The following CASZ1 variants were observed in gnomAD, a reference collection of about 807,000 sequenced individuals.
CASZ1 encodes zinc finger protein castor homolog 1.
A neutral mutation model predicts 135.2 loss-of-function variants in CASZ1; 28 were observed. The observed-to-expected ratio is 0.21, with a 90% CI of 0.15 to 0.28. The LOEUF (loss-of-function observed/expected upper bound fraction) is 0.28, where lower values mean the gene tolerates loss of function less well. Among genes scored for constraint, CASZ1 ranks in the 10% least tolerant of loss-of-function variants. CASZ1 has a pLI of 1.00. For synonymous variants in CASZ1, 1,068 were observed against 1,073.4 expected (o/e 0.99, Z 0.10); for missense variants, 2,161 against 2,453.3 (o/e 0.88, Z 2.52).
rs1245054882 is a variant in CASZ1, at chr1:10,727,312, C to T, written c.-76-21768G>A. On this transcript the variant is annotated intron_variant, in intron 2 of 20. Coordinates refer to ENST00000377022, the MANE Select transcript of CASZ1 (RefSeq NM_001079843.3). This position sits in a 1 kb window ranked among gnomAD's most constrained non-coding sequence, Gnocchi z 5.3. ...AGCCCCAGCCCCCACTCCAGGTCATCGGCCATCCAGCTCTTCATTCACAAC... is the reference window on the plus strand; with the variant it reads ...AGCCCCAGCCCCCACTCCAGGTCATTGGCCATCCAGCTCTTCATTCACAAC... Among the ~76,000 whole-genome samples the T allele has an allele frequency of 5.9e-5, 9 of 152,052 alleles. No individual in the cohort carries two copies. The highest frequency in any genetic ancestry group is 8.8e-5 in the Non-Finnish European group (6 of 67,998).
Position 10,725,974 on chromosome 1 carries a change from C to T in CASZ1, c.-76-20430G>A, listed in dbSNP as rs1463189629. On this transcript the variant is annotated intron_variant, in intron 2 of 20. Transcript: ENST00000377022. This position sits in a 1 kb window ranked among gnomAD's most constrained non-coding sequence, Gnocchi z 4.4. ...CAGGGTGAGGCTCCACCTCAGTGCA[C>T]TAGGAAATAATGGTAATAGCAATAA... is the stretch of plus-strand genomic sequence containing the variant. Among the ~76,000 whole-genome samples the T allele has an allele frequency of 1.3e-5, 2 of 152,066 alleles. No homozygotes were observed. The highest frequency in any genetic ancestry group is 1.3e-4 in the Admixed American group (2 of 15,266).
Position 10,636,708 on chromosome 1 carries a change from A to T in CASZ1, c.*2234T>A, listed in dbSNP as rs1402497185. The T allele has an allele frequency of 3.3e-5, 5 of 152,290 alleles. No individual in the cohort carries two copies. The highest frequency in any genetic ancestry group is 7.4e-5 in the Non-Finnish European group (5 of 68,010). The allele number at this position is 152,290 out of a possible 1,614,324, so 9.4% of individuals were successfully genotyped here. On this transcript the variant is annotated 3_prime_UTR_variant, in exon 21 of 21. Transcript: ENST00000377022. ...AAAACACATATATTAAATTTCTAAT[A>T]GCACTAAATTCAAGTGGAAAAATAT...
chr1:10,756,840 A>G lies in CASZ1; in HGVS notation c.-77+3861T>C, dbSNP rs922138821. ...ATCTGCCAGCCCTCACAGCTCACCAACGACGCTCTATATGACCCGGCACGT... is the reference window on the plus strand; with the variant it reads ...ATCTGCCAGCCCTCACAGCTCACCAGCGACGCTCTATATGACCCGGCACGT... On this transcript the variant is annotated intron_variant, in intron 2 of 20. Transcript: ENST00000377022. The surrounding 1 kb of genome is among the most constrained non-coding windows in gnomAD (Gnocchi z 5.9). 5.9e-5 allele frequency among the ~76,000 whole-genome samples: 9 copies of G among 152,296 alleles called. No homozygotes were observed. The highest frequency in any genetic ancestry group is 3.4e-3 in the Middle Eastern group (1 of 294).
chr1:10,683,670 C>T (rs1638497584), intron 4 of CASZ1, among the ~76,000 whole-genome samples: 1 of 152,214 alleles, frequency 6.6e-6, no homozygotes. Flanking sequence ...TTCCATTTCA[C>T]CACAGAGACA....
rs574871978 is a variant in CASZ1 at position 10,705,869 on chromosome 1, C to T, written c.-76-325G>A. On this transcript the variant is annotated intron_variant, in intron 2 of 20. Transcript: ENST00000377022. ...GTGCACACTGCTCCGTGGAGGAGGC[C>T]GGGAGTGGGGGTGCTGGTGAAGTGG... Among the ~76,000 whole-genome samples, 8 of 152,318 alleles carry T rather than the reference C, an allele frequency of 5.3e-5. No homozygotes were observed. The South Asian group carries it at 1.2e-3, about 24-fold the overall frequency.
At chr1:10,738,665 A>T (rs551482977) in intron 2 of CASZ1, among the ~76,000 whole-genome samples, 1 of 152,360 alleles carries the variant, frequency 6.6e-6, no homozygotes, top group African/African-American at 2.4e-5. Context: ...CAGGGAGGAC[A>T]CAAAGGTGGG....
chr1:10,640,115 C>A lies in CASZ1; in HGVS notation c.4163-56G>T, dbSNP rs957790143. The A allele has an allele frequency of 2.6e-6, 4 of 1,553,636 alleles. No homozygotes were observed. The Admixed American group carries it at 7.0e-5, about 27-fold the overall frequency. On this transcript the variant is annotated intron_variant, in intron 20 of 20. Coordinates refer to ENST00000377022, the MANE Select transcript of CASZ1 (RefSeq NM_001079843.3). ...GAGGGACCCACGTGGGCACCATCAA[C>A]AGGGTTACACCCACATGGGACCCCT...
intron 11 of CASZ1, chr1:10,652,719 A>G (rs1468620884): frequency 6.6e-6 from 1 of 152,276 alleles, no homozygotes; most frequent in African/African-American, 2.4e-5. Context: ...TTTCTGTCTG[A>G]CGTGGCAGTC....
At chr1:10,654,626 G>C in intron 9 of CASZ1, 35 bp from the exon 10 acceptor site, 1 of 1,600,136 alleles carries the variant, frequency 6.2e-7, no homozygotes, top group Non-Finnish European at 8.5e-7. Flanking sequence ...GGCGAACGGA[G>C]GCCAGGTGCT....
chr1:10,756,223 G>T lies in CASZ1; in HGVS notation c.-77+4478C>A, dbSNP rs1640253284. Among the ~76,000 whole-genome samples the T allele has an allele frequency of 6.6e-6, 1 of 152,068 alleles. No individual in the cohort carries two copies. The highest frequency in any genetic ancestry group is 2.4e-5 in the African/African-American group (1 of 41,412). On this transcript the variant is annotated intron_variant, in intron 2 of 20. Coordinates refer to ENST00000377022, the MANE Select transcript of CASZ1 (RefSeq NM_001079843.3). This position sits in a 1 kb window ranked among gnomAD's most constrained non-coding sequence, Gnocchi z 5.9. ...GCTCTCTCCCGTTGCTGCCTCTGGA[G>T]GTCAGGCCTCCAGAGCCTCCTTACA...
intron 4 of CASZ1, among the ~76,000 whole-genome samples, chr1:10,692,785 C>T (rs1412474660): frequency 1.3e-5 from 2 of 152,186 alleles, no homozygotes; most frequent in South Asian, 4.1e-4. Context: ...GCTCATGGGT[C>T]CCAAGGGCCG....
intron 1 of CASZ1, among the ~76,000 whole-genome samples, chr1:10,786,144 C>G (rs1640855738): frequency 6.6e-6 from 1 of 152,164 alleles, no homozygotes; most frequent in African/African-American, 2.4e-5. Context: ...GCCACTGGCG[C>G]CTTGGGCCGG....
rs558612136 is a variant in CASZ1 at position 10,719,536 on chromosome 1, G to A, written c.-76-13992C>T. The stretch of plus-strand genomic sequence containing the variant: ...GCAGCGCTGTGGGGAAGGTGGCACC[G>A]AACAAGTTTCTAAGGGACACTCAGG... On this transcript the variant is annotated intron_variant, in intron 2 of 20. Coordinates refer to ENST00000377022, the MANE Select transcript of CASZ1 (RefSeq NM_001079843.3). The surrounding 1 kb of genome is among the most constrained non-coding windows in gnomAD (Gnocchi z 4.0). Among the ~76,000 whole-genome samples the A allele has an allele frequency of 1.3e-5, 2 of 152,190 alleles. No homozygotes were observed. Among genetic ancestry groups the A allele is most frequent in the East Asian group, 1.9e-4 (1 of 5,190 alleles).
chr1:10,694,018 G>C lies in CASZ1; in HGVS notation c.-23-106C>G. 2 of 1,084,004 alleles carry C rather than the reference G, an allele frequency of 1.8e-6. No individual in the cohort carries two copies. The highest frequency in any genetic ancestry group is 2.6e-6 in the Non-Finnish European group (2 of 761,536). 67.1% of individuals were successfully genotyped at this position (1,084,004 alleles called of 1,614,324 possible). A position where few individuals can be genotyped will look rare whatever the true frequency, so the allele number is the denominator to read the frequency against. ...TGCTTGTCCCCCGCCCCGCAGGAGCGGCCCGTCCCGGGCGGGCGCCGAGGC... is the reference window on the plus strand; with the variant it reads ...TGCTTGTCCCCCGCCCCGCAGGAGCCGCCCGTCCCGGGCGGGCGCCGAGGC... On this transcript the variant is annotated intron_variant, in intron 3 of 20. Coordinates refer to ENST00000377022, the MANE Select transcript of CASZ1 (RefSeq NM_001079843.3). The surrounding 1 kb of genome is among the most constrained non-coding windows in gnomAD (Gnocchi z 6.6).
chr1:10,680,277 G>GGGC (rs1557500073), intron 4 of CASZ1, among the ~76,000 whole-genome samples: 1 of 142,888 alleles, frequency 7.0e-6, no homozygotes, highest in African/African-American at 2.5e-5. Flanking sequence ...GGGCGGGGCG[G>GGGC]CGGGGGATGG....
At position 10,650,752 on chromosome 1, in the gene CASZ1, G is replaced by A. The variant is rs141036792; in HGVS notation, c.2820C>T (p.Asn940=). 3.0e-5 allele frequency: 48 copies of A among 1,613,906 alleles called. No individual in the cohort carries two copies. The highest frequency in any genetic ancestry group is 3.3e-5 in the Admixed American group (2 of 60,026). ...SLDLTVKEPS[N]ESNGHAVPAN... ...CCGGGACTGCGTGGCCATTTGATTCGTTGCTAGAACACACAAACCAAGGGA... is the reference window on the plus strand; with the variant it reads ...CCGGGACTGCGTGGCCATTTGATTCATTGCTAGAACACACAAACCAAGGGA... Residue 940 remains asparagine (N), a synonymous_variant, in exon 13 of 21, where the codon AAC becomes AAT. Coordinates refer to ENST00000377022, the MANE Select transcript of CASZ1 (RefSeq NM_001079843.3).
intron 11 of CASZ1, 138 bp from the exon 12 acceptor site, chr1:10,651,214 G>A: frequency 1.8e-6 from 1 of 563,930 alleles, no homozygotes; most frequent in Non-Finnish European, 2.8e-6. Context: ...CCGCTGACGT[G>A]ATCGCTCGCG....
In CASZ1 at chr1:10,694,614, G is replaced by A. The variant is rs1487486741; in HGVS notation, c.-23-702C>T. 7.1e-6 allele frequency: 1 copy of A among 140,114 alleles called. No homozygotes were observed. Among genetic ancestry groups the A allele is most frequent in the South Asian group, 2.0e-4 (1 of 4,936 alleles). The allele number at this position is 140,114 out of a possible 1,614,324, so 8.7% of individuals were successfully genotyped here. ...CGCCGCCGCCGCCGCCGCCGCCGCC[G>A]CCGCCGCCCGGTGCGCCCGCCCGCC... is the stretch of plus-strand genomic sequence containing the variant. On this transcript the variant is annotated intron_variant, in intron 3 of 20. Transcript: ENST00000377022. The surrounding 1 kb of genome is among the most constrained non-coding windows in gnomAD (Gnocchi z 6.6).
At chr1:10,642,819 T>C in intron 20 of CASZ1, 40 bp downstream of exon 20, 1 of 1,601,548 alleles carries the variant, frequency 6.2e-7, no homozygotes, top group Non-Finnish European at 8.5e-7. Flanking sequence ...GCTTTGGGAG[T>C]GGGGCCTGGC....
Sources: gnomAD v4.1 joint callset for allele counts (sites outside exome capture counted in the v4.1 genomes callset) on GRCh38, gnomAD v4.1.1 for gene constraint, Gnocchi (gnomAD v3.1) non-coding constraint, MANE v1.5 for transcripts, NCBI Gene and HGNC (gene_info 2026-07-23, HGNC 2026-07-21) for gene names.